The following ACAP1 variants were observed in gnomAD, a reference collection of about 807,000 sequenced individuals.
ACAP1 encodes arf-GAP with coiled-coil, ANK repeat and PH domain-containing protein 1.
A neutral mutation model predicts 98.8 loss-of-function variants in ACAP1; 45 were observed. The ratio of observed to expected loss-of-function variants is 0.46; its 90% CI spans 0.36 to 0.58. The LOEUF (loss-of-function observed/expected upper bound fraction) is 0.58, where lower values mean the gene tolerates loss of function less well. ACAP1 is among the 20% of genes least tolerant of loss of function. The pLI, the probability that ACAP1 is intolerant of heterozygous loss-of-function variation, is 0.00. For synonymous variants in ACAP1, 362 were observed against 375.3 expected (o/e 0.96, Z 0.41); for missense variants, 735 against 971.4 (o/e 0.76, Z 3.24).
chr17:7,348,916 T>C (rs2073375038), intron 17 of ACAP1, 79 bp from the exon 18 acceptor site: 2 of 1,299,162 alleles, frequency 1.5e-6, no homozygotes, highest in African/African-American at 1.5e-5. Context: ...TGTCCCATTA[T>C]AGCATTGGGA....
rs1386285057 is a variant in ACAP1, at chr17:7,350,294, C to G, written c.2072+57C>G. 6.8e-7 allele frequency: 1 copy of G among 1,471,602 alleles called. No individual in the cohort carries two copies. The highest frequency in any genetic ancestry group is 2.3e-5 in the East Asian group (1 of 43,586). 91.2% of individuals were successfully genotyped at this position (1,471,602 alleles called of 1,614,324 possible). A position where few individuals can be genotyped will look rare whatever the true frequency, so the allele number is the denominator to read the frequency against. ...TGGGACTCCCCCCACCCCCGCCCAC[C>G]CACGTTCGGGCGGGCGGGCGGGGCT... On this transcript the variant is annotated intron_variant, in intron 20 of 21. Transcript: ENST00000158762. The surrounding 1 kb of genome is among the most constrained non-coding windows in gnomAD (Gnocchi z 4.6).
Position 7,347,308 on chromosome 17 carries a change from C to T in ACAP1, c.1343+66C>T, listed in dbSNP as rs887174832. On this transcript the variant is annotated intron_variant, in intron 14 of 21. Coordinates refer to ENST00000158762, the MANE Select transcript of ACAP1 (RefSeq NM_014716.4). ...GCCACAGTGCGGCTCCAATACAGAG[C>T]GCATCACACCGGCCCCTCTTCCTTC... is the stretch of plus-strand genomic sequence containing the variant. 7.6e-5 allele frequency: 105 copies of T among 1,390,572 alleles called. No individual in the cohort carries two copies. The African/African-American group carries it at 1.1e-3, about 15-fold the overall frequency. 86.1% of individuals were successfully genotyped at this position (1,390,572 alleles called of 1,614,324 possible).
chr17:7,340,476 C>T (rs2073264933), intron 2 of ACAP1, among the ~76,000 whole-genome samples: 1 of 152,164 alleles, frequency 6.6e-6, no homozygotes, highest in South Asian at 2.1e-4. Flanking sequence ...ACACAGAGTC[C>T]TCAGATTCAC....
rs2073394564 is a variant in ACAP1, at chr17:7,350,439, G to A, written c.2072+202G>A. 1 of 551,878 alleles carries A rather than the reference G, an allele frequency of 1.8e-6. No homozygotes were observed. Among genetic ancestry groups the A allele is most frequent in the South Asian group, 2.0e-5 (1 of 49,452 alleles). The allele number at this position is 551,878 out of a possible 1,614,324, so 34.2% of individuals were successfully genotyped here. A position where few individuals can be genotyped will look rare whatever the true frequency, so the allele number is the denominator to read the frequency against. Reference sequence around the variant, plus strand: ...GGGACGTGGAGTAGAAGGCAGGCGGGAGGGCGGGCAGGGTGCAAGGATGCT... The same window carrying A: ...GGGACGTGGAGTAGAAGGCAGGCGGAAGGGCGGGCAGGGTGCAAGGATGCT... On this transcript the variant is annotated intron_variant, in intron 20 of 21. Coordinates refer to ENST00000158762, the MANE Select transcript of ACAP1 (RefSeq NM_014716.4). The surrounding 1 kb of genome is among the most constrained non-coding windows in gnomAD (Gnocchi z 4.6).
rs1378388739 is a variant in ACAP1, at chr17:7,348,450, G to T, written c.1653G>T (p.Arg551=). ...PVPPKPSIRP[R]PGSLRSKPEP... The stretch of plus-strand genomic sequence containing the variant: ...CCCCAAAGCCTTCCATCAGGCCCCG[G>T]CCAGGGAGCTTGAGATCCAAGCCAG... The change falls in exon 17 of 22, where the codon CGG becomes CGT. Residue 551 remains arginine, a synonymous_variant. Coordinates refer to ENST00000158762, the MANE Select transcript of ACAP1 (RefSeq NM_014716.4). 1 of 1,488,850 alleles carries T rather than the reference G, an allele frequency of 6.7e-7. No individual in the cohort carries two copies. The highest frequency in any genetic ancestry group is 8.9e-7 in the Non-Finnish European group (1 of 1,119,684). 92.2% of individuals were successfully genotyped at this position (1,488,850 alleles called of 1,614,324 possible). A position where few individuals can be genotyped will look rare whatever the true frequency, so the allele number is the denominator to read the frequency against.
At chr17:7,348,100 C>T in intron 15 of ACAP1, 27 bp from the exon 16 acceptor site, 1 of 1,613,220 alleles carries the variant, frequency 6.2e-7, no homozygotes, top group Middle Eastern at 1.7e-4. Context: ...CCTTCCCTGT[C>T]TCTGCCTCTG....
In ACAP1 at chr17:7,348,986, C is replaced by T; in HGVS notation, c.1679-9C>T. On this transcript the variant is annotated splice_polypyrimidine_tract_variant and intron_variant, in intron 17 of 21. Transcript: ENST00000158762. Reference sequence around the variant, plus strand: ...GCTTCCCCCTAACAGAACCAAATCCCCCGAACAGAGCCCCCCTCTGAGGAC... The same window carrying T: ...GCTTCCCCCTAACAGAACCAAATCCTCCGAACAGAGCCCCCCTCTGAGGAC... The T allele has an allele frequency of 6.2e-6, 10 of 1,611,934 alleles. No individual in the cohort carries two copies. The highest frequency in any genetic ancestry group is 4.2e-6 in the Non-Finnish European group (5 of 1,179,548).
At chr17:7,337,237 C>T (rs886626715) in intron 1 of ACAP1, 75 bp from the exon 2 acceptor site, 9 of 1,423,188 alleles carry the variant, frequency 6.3e-6, no homozygotes, top group Admixed American at 1.7e-5. Flanking sequence ...CACCGCCCTG[C>T]GACTCCATCC....
chr17:7,336,578 C>A lies in ACAP1; in HGVS notation c.-157C>A. 1.8e-5 allele frequency: 13 copies of A among 708,846 alleles called. No homozygotes were observed. The highest frequency in any genetic ancestry group is 5.3e-5 in the East Asian group (2 of 37,798). The allele number at this position is 708,846 out of a possible 1,614,324, so 43.9% of individuals were successfully genotyped here. ...AGAGCTCCTCCTAGGACACCCCTTT[C>A]CCCTTGGGGAAAGAATTGTGCCCCC... On this transcript the variant is annotated 5_prime_UTR_variant, in exon 1 of 22. Transcript: ENST00000158762.
intron 3 of ACAP1, 79 bp downstream of exon 3, chr17:7,342,146 G>A: frequency 1.2e-6 from 2 of 1,608,076 alleles, no homozygotes; most frequent in Non-Finnish European, 8.5e-7. Context: ...GGCTGGCCTG[G>A]GGTCTGCAGG....
rs1392064261 is a variant in ACAP1 at position 7,341,980 on chromosome 17, T to C, written c.144T>C (p.Ser48=). 1 of 1,614,072 alleles carries C rather than the reference T, an allele frequency of 6.2e-7. No individual in the cohort carries two copies. Among genetic ancestry groups the C allele is most frequent in the Non-Finnish European group, 8.5e-7 (1 of 1,180,032 alleles). The part of the protein sequence containing the change: ...LLKLGTGLLE[S]GRHYLAASRA... ...AACTGGGCACTGGTCTCCTGGAAAGTGGGCGCCATTACCTTGCTGCCAGCC... is the reference window on the plus strand; with the variant it reads ...AACTGGGCACTGGTCTCCTGGAAAGCGGGCGCCATTACCTTGCTGCCAGCC... Residue 48 remains serine (S), a synonymous_variant, in exon 3 of 22, where the codon AGT becomes AGC. Transcript: ENST00000158762.
Position 7,350,050 on chromosome 17 carries a change from A to G in ACAP1, c.1957A>G (p.Thr653Ala). The G allele has an allele frequency of 1.2e-6, 2 of 1,613,254 alleles. No individual in the cohort carries two copies. The highest frequency in any genetic ancestry group is 1.3e-5 in the African/African-American group (1 of 75,040). The stretch of plus-strand genomic sequence containing the variant: ...GCACCACGCAACCATTCTTGGCCAC[A>G]CGGGGTAGGGATGATGGCATGGGGA... ...PLHHATILGH[T>A]GLACLFLKRG... Residue 653 changes from threonine (T) to alanine (A), a missense_variant, in exon 19 of 22, where the codon ACG becomes GCG. Physicochemically the swap from Thr to Ala is moderately conservative, Grantham distance 58. Transcript: ENST00000158762. This position sits in a 1 kb window ranked among gnomAD's most constrained non-coding sequence, Gnocchi z 4.6.
chr17:7,337,319 A>G lies in ACAP1; in HGVS notation c.61A>G (p.Ile21Val), dbSNP rs1360363649. Residue 21 changes from isoleucine to valine, a missense_variant, in exon 2 of 22, where the codon ATT becomes GTT. Ile to Val is a conservative substitution (Grantham distance 29). Transcript: ENST00000158762. The part of the protein sequence containing the change: ...LKDSPRFRAS[I>V]ELVEAEVSEL... ...TGACCCCCTCTTTCCCAGAGCCTCT[A>G]TTGAGCTGGTGGAAGCCGAAGTGTC... 3 of 1,613,948 alleles carry G rather than the reference A, an allele frequency of 1.9e-6. No homozygotes were observed. Among genetic ancestry groups the G allele is most frequent in the African/African-American group, 1.3e-5 (1 of 75,012 alleles).
Position 7,344,685 on chromosome 17 carries a change from C to A in ACAP1, c.854+37C>A. 6.8e-7 allele frequency: 1 copy of A among 1,461,854 alleles called. No homozygotes were observed. Among genetic ancestry groups the A allele is most frequent in the Non-Finnish European group, 9.4e-7 (1 of 1,065,680 alleles). The allele number at this position is 1,461,854 out of a possible 1,614,324, so 90.6% of individuals were successfully genotyped here. A position where few individuals can be genotyped will look rare whatever the true frequency, so the allele number is the denominator to read the frequency against. The stretch of plus-strand genomic sequence containing the variant: ...ACACCCCCAATCAGCCCGCCCCACC[C>A]AATGATGTATTTTCGAGTGGTAATA... On this transcript the variant is annotated intron_variant, in intron 10 of 21. Coordinates refer to ENST00000158762, the MANE Select transcript of ACAP1 (RefSeq NM_014716.4). This position sits in a 1 kb window ranked among gnomAD's most constrained non-coding sequence, Gnocchi z 4.9.
chr17:7,337,021 C>A (rs1472192955), intron 1 of ACAP1, among the ~76,000 whole-genome samples: 1 of 152,040 alleles, frequency 6.6e-6, no homozygotes, highest in Non-Finnish European at 1.5e-5. Context: ...CTGGCATTCC[C>A]TCTGGCCTCT....
At position 7,346,905 on chromosome 17, in the gene ACAP1, G is replaced by C. The variant is rs1178610195; in HGVS notation, c.1105G>C (p.Asp369His). ...IASAFSQARL[D>H]DSPRGPGQGS... ...TTCTGCCTTCAGTCAGGCTCGCCTT[G>C]ATGACAGCCCCCGGGGTCCAGGCCA... Residue 369 changes from aspartate (D) to histidine (H), a missense_variant, in exon 13 of 22, where the codon GAT (aspartate) becomes CAT (histidine). By Grantham distance (81) the Asp-to-His change is moderately conservative. This residue lies in a region of ACAP1 where 430 missense variants were observed against 531.8 expected (regional missense o/e 0.81). Coordinates refer to ENST00000158762, the MANE Select transcript of ACAP1 (RefSeq NM_014716.4). 6.2e-7 allele frequency: 1 copy of C among 1,612,820 alleles called. No individual in the cohort carries two copies. Among genetic ancestry groups the C allele is most frequent in the African/African-American group, 1.3e-5 (1 of 74,912 alleles).
Position 7,343,380 on chromosome 17 carries a change from G to A in ACAP1, c.346G>A (p.Gly116Ser). 6.2e-7 allele frequency: 1 copy of A among 1,612,086 alleles called. No individual in the cohort carries two copies. Among genetic ancestry groups the A allele is most frequent in the Non-Finnish European group, 8.5e-7 (1 of 1,179,326 alleles). The stretch of plus-strand genomic sequence containing the variant: ...TCTGTGTTATTTTCCCATCCTCAGA[G>A]GTCTGCGGGGTTTCCGAGAGGCTCG... ...QQQIQTLVKE[G>S]LRGFREARRD... The change falls in exon 6 of 22, where the codon GGT becomes AGT. Residue 116 changes from glycine to serine, a missense_variant and splice_region_variant. Transcript: ENST00000158762. This position sits in a 1 kb window ranked among gnomAD's most constrained non-coding sequence, Gnocchi z 4.9.
chr17:7,348,366 G>T lies in ACAP1; in HGVS notation c.1569G>T (p.Leu523=). The part of the protein sequence containing the change: ...KYVEKKFLTK[L]PEIRGRRGGR... ...TGGAGAAGAAGTTCCTGACCAAGCT[G>T]CCTGAGATTCGAGGGCGAAGAGGTG... is the stretch of plus-strand genomic sequence containing the variant. The change falls in exon 17 of 22, where the codon CTG becomes CTT. Residue 523 remains leucine, a synonymous_variant. Coordinates refer to ENST00000158762, the MANE Select transcript of ACAP1 (RefSeq NM_014716.4). 6.3e-7 allele frequency: 1 copy of T among 1,574,818 alleles called. No homozygotes were observed. The highest frequency in any genetic ancestry group is 8.6e-7 in the Non-Finnish European group (1 of 1,158,172).
chr17:7,342,898 ACT>A (rs1042610588), intron 5 of ACAP1: 1 of 135,094 alleles, frequency 7.4e-6, no homozygotes, highest in African/African-American at 3.3e-5. Context: ...ACAGAGTGAG[ACT>A]CTGCCTCAAA....
Sources: gnomAD v4.1 joint callset for allele counts (sites outside exome capture counted in the v4.1 genomes callset) on GRCh38, gnomAD v4.1.1 for gene constraint, gnomAD v4.1.1 regional missense constraint, Gnocchi (gnomAD v3.1) non-coding constraint, MANE v1.5 for transcripts, NCBI Gene and HGNC (gene_info 2026-07-23, HGNC 2026-07-21) for gene names.